The following PRUNE2 variants were observed in gnomAD, a reference collection of about 807,000 sequenced individuals.
PRUNE2 encodes the protein protein prune homolog 2.
A neutral mutation model predicts 252.0 loss-of-function variants in PRUNE2; 164 were observed. The ratio of observed to expected loss-of-function variants is 0.65; its 90% CI spans 0.57 to 0.74. PRUNE2 has a LOEUF of 0.74. Among genes scored for constraint, PRUNE2 ranks in the 30% least tolerant of loss-of-function variants. The pLI is 0.00. For synonymous variants in PRUNE2, 1,292 were observed against 1,350.2 expected (o/e 0.96, Z 0.94); for missense variants, 3,495 against 3,711.0 (o/e 0.94, Z 1.51).
rs1490997996 is a variant in PRUNE2, at chr9:76,706,990, TTTG to T, written c.5281_5283del (p.Gln1761del). ...GAGAAAGTCCAGGGATCAGGGCTGC[TTTG>T]TTGATTGTCACAGAATGGGTTTGAC... On this transcript the variant is annotated inframe_deletion, in exon 8 of 19. Coordinates refer to ENST00000376718, the MANE Select transcript of PRUNE2 (RefSeq NM_015225.3). The T allele has an allele frequency of 6.2e-7, 1 of 1,614,044 alleles. No individual in the cohort carries two copies. Among genetic ancestry groups the T allele is most frequent in the South Asian group, 1.1e-5 (1 of 91,084 alleles).
intron 16 of PRUNE2, chr9:76,627,946 C>T (rs1238915742): frequency 7.9e-6 from 2 of 252,202 alleles, no homozygotes; most frequent in Non-Finnish European, 1.7e-5. Context: ...CTTCCAGTTT[C>T]TAGGCTGGGC....
chr9:76,624,947 G>T, intron 16 of PRUNE2: 1 of 922,912 alleles, frequency 1.1e-6, no homozygotes, highest in Non-Finnish European at 1.6e-6. Context: ...CTGGTAGCTT[G>T]TTGAGGTCAC....
In PRUNE2 at chr9:76,710,440, G is replaced by T. The variant is rs1362806824; in HGVS notation, c.1834C>A (p.Pro612Thr). ...GAGCTTTCTACTAAACTATTCATGGGTGTTGGTGGGATCCTCTTTCCAGTA... is the reference window on the plus strand; with the variant it reads ...GAGCTTTCTACTAAACTATTCATGGTTGTTGGTGGGATCCTCTTTCCAGTA... ...KNTGKRIPPT[P>T]MNSLVESSPS... The change falls in exon 8 of 19, where the codon CCC becomes ACC. Residue 612 changes from proline to threonine, a missense_variant. Physicochemically the swap from Pro to Thr is conservative, Grantham distance 38 (BLOSUM62 -1). Transcript: ENST00000376718. The T allele has an allele frequency of 6.2e-7, 1 of 1,613,996 alleles. No homozygotes were observed. Among genetic ancestry groups the T allele is most frequent in the South Asian group, 1.1e-5 (1 of 91,088 alleles).
intron 12 of PRUNE2, 142 bp from the exon 13 acceptor site, chr9:76,638,430 ATAGG>A (rs1841093515): frequency 3.2e-6 from 2 of 626,134 alleles, no homozygotes; most frequent in Non-Finnish European, 5.8e-6. Context: ...TATGTTGACT[ATAGG>A]TCTGTAGGTA....
In PRUNE2 at chr9:76,710,809, C is replaced by A; in HGVS notation, c.1465G>T (p.Glu489Ter). ...TCAAAATTGAAGAGGTCGAAGTGCT[C>A]ACCGTGTTCTCCAGACCATGCATGT... The part of the protein sequence containing the change: ...EEHAWSGEHG[E>*]HFDLFNFDPA... The change falls in exon 8 of 19, where the codon GAG becomes TAG. Residue 489 changes from glutamate to a stop codon, truncating the protein, a stop_gained. Transcript: ENST00000376718. LOFTEE classifies it high-confidence loss of function. 3 of 1,574,274 alleles carry A rather than the reference C, an allele frequency of 1.9e-6. No homozygotes were observed. Among genetic ancestry groups the A allele is most frequent in the Non-Finnish European group, 2.6e-6 (3 of 1,161,858 alleles).
intron 6 of PRUNE2, among the ~76,000 whole-genome samples, chr9:76,763,432 T>C (rs2051958157): frequency 6.6e-6 from 1 of 152,220 alleles, no homozygotes; most frequent in African/African-American, 2.4e-5. Flanking sequence ...CTGGGAGTGC[T>C]CACCCCAAGT....
chr9:76,769,512 G>GC (rs1564259905), intron 6 of PRUNE2, among the ~76,000 whole-genome samples: 2 of 151,816 alleles, frequency 1.3e-5, no homozygotes, highest in Admixed American at 6.6e-5. Context: ...CGCAACCTCC[G>GC]CCCCCCGGGT....
chr9:76,905,630 C>T (rs1339561269), intron 1 of PRUNE2, among the ~76,000 whole-genome samples: 18 of 152,166 alleles, frequency 1.2e-4, no homozygotes, highest in Admixed American at 1.2e-3. Context: ...TATCCCTTAG[C>T]TTTCAGGAGC....
chr9:76,867,656 C>T (rs2060925605), intron 1 of PRUNE2, among the ~76,000 whole-genome samples: 1 of 152,190 alleles, frequency 6.6e-6, no homozygotes, highest in South Asian at 2.1e-4. Flanking sequence ...GCAACCTCCA[C>T]CTCCTGGGTT....
At chr9:76,771,787 A>G (rs1422290158) in intron 6 of PRUNE2, among the ~76,000 whole-genome samples, 1 of 152,152 alleles carries the variant, frequency 6.6e-6, no homozygotes, top group Non-Finnish European at 1.5e-5. Flanking sequence ...TATTTCCCAG[A>G]GGGAGAGGCC....
At chr9:76,712,296 T>C (rs2046797421) in intron 7 of PRUNE2, among the ~76,000 whole-genome samples, 1 of 152,170 alleles carries the variant, frequency 6.6e-6, no homozygotes, top group Admixed American at 6.5e-5. Context: ...TACAGGAAGA[T>C]TAAATAACTT....
chr9:76,689,787 A>G (rs959159572), intron 9 of PRUNE2, among the ~76,000 whole-genome samples: 3 of 152,144 alleles, frequency 2.0e-5, no homozygotes, highest in African/African-American at 7.2e-5. Flanking sequence ...ACTAGGACTC[A>G]TTTTCTGCCT....
chr9:76,849,384 T>C (rs7848177), intron 3 of PRUNE2, among the ~76,000 whole-genome samples: 48,339 of 152,158 alleles, frequency 0.32, 9,955 homozygotes, highest in African/African-American at 0.59. Context: ...CCCATCTCTA[T>C]GTATTTTTCC....
At position 76,767,086 on chromosome 9, in the gene PRUNE2, A is replaced by G. The variant is rs149901244; in HGVS notation, c.757-53365T>C. ...CTCCAACATACTTACTGATGAATAAATATCTGTTTAACAAATAAACTCTCT... is the reference window on the plus strand; with the variant it reads ...CTCCAACATACTTACTGATGAATAAGTATCTGTTTAACAAATAAACTCTCT... On this transcript the variant is annotated intron_variant, in intron 6 of 18. Coordinates refer to ENST00000376718, the MANE Select transcript of PRUNE2 (RefSeq NM_015225.3). Among the ~76,000 whole-genome samples the G allele has an allele frequency of 4.5e-3, 682 of 152,298 alleles. 2 individuals carry two copies. The highest frequency in any genetic ancestry group is 0.015 in the African/African-American group (641 of 41,568).
chr9:76,706,125 G>A lies in PRUNE2; in HGVS notation c.6149C>T (p.Pro2050Leu), dbSNP rs1415681093. The A allele has an allele frequency of 5.0e-6, 8 of 1,613,890 alleles. No homozygotes were observed. In the East Asian group the frequency reaches 6.7e-5, roughly 13 times the overall value. Reference protein sequence around the residue: ...PSEDSRGTFVPDILHGNFQEG... With the variant: ...PSEDSRGTFVLDILHGNFQEG... ...TTGAAAGTTGCCATGTAAAATATCTGGCACAAAGGTACCTCGGGAGTCCTC... is the reference window on the plus strand; with the variant it reads ...TTGAAAGTTGCCATGTAAAATATCTAGCACAAAGGTACCTCGGGAGTCCTC... Residue 2050 changes from proline to leucine, a missense_variant, in exon 8 of 19, where the codon CCA becomes CTA. Physicochemically the swap from Pro to Leu is moderately conservative, Grantham distance 98. Transcript: ENST00000376718.
chr9:76,736,163 T>C (rs1382880847), intron 6 of PRUNE2, among the ~76,000 whole-genome samples: 2 of 151,240 alleles, frequency 1.3e-5, no homozygotes, highest in Non-Finnish European at 2.9e-5. Flanking sequence ...TGTGTGTGTA[T>C]TCAAAATTTG....
chr9:76,695,292 C>G (rs914377997), intron 9 of PRUNE2, among the ~76,000 whole-genome samples: 5 of 152,208 alleles, frequency 3.3e-5, no homozygotes, highest in Non-Finnish European at 7.3e-5. Flanking sequence ...CCCGACTCAG[C>G]CTTGCAAAGT....
At chr9:76,839,027 A>G (rs2059232527) in intron 4 of PRUNE2, among the ~76,000 whole-genome samples, 1 of 152,220 alleles carries the variant, frequency 6.6e-6, no homozygotes, top group Non-Finnish European at 1.5e-5. Flanking sequence ...AATGCTTGCA[A>G]AACACTAGGA....
At chr9:76,887,740 G>C (rs1026024654) in intron 1 of PRUNE2, among the ~76,000 whole-genome samples, 1 of 152,166 alleles carries the variant, frequency 6.6e-6, no homozygotes, top group African/African-American at 2.4e-5. Context: ...TGCTCCTTTT[G>C]CCTACATTCC....
Sources: allele counts gnomAD v4.1 joint callset (sites outside exome capture counted in the v4.1 genomes callset), GRCh38; gene constraint gnomAD v4.1.1; transcripts MANE v1.5; gene names NCBI Gene and HGNC (gene_info 2026-07-23, HGNC 2026-07-21).